Variants in WDR62 observed in about 807,000 individuals in gnomAD.
WDR62 encodes WD repeat-containing protein 62.
In WDR62, 112 loss-of-function variants were observed where a neutral mutation model predicts 160.6. The ratio of observed to expected loss-of-function variants is 0.70; its 90% CI spans 0.60 to 0.82. WDR62 has a LOEUF of 0.82. Ranked by LOEUF, WDR62 falls within the 40% of genes least tolerant of loss-of-function variation. The pLI is 0.00. For missense variants in WDR62, 1,819 were observed against 1,983.8 expected (o/e 0.92, Z 1.58); for synonymous variants, 792 against 815.1 (o/e 0.97, Z 0.48).
At chr19:36,068,418 A>T (rs1447984995) in intron 7 of WDR62, among the ~76,000 whole-genome samples, 1 of 151,932 alleles carries the variant, frequency 6.6e-6, no homozygotes, top group Non-Finnish European at 1.5e-5. Flanking sequence ...GGGGTTTGGC[A>T]GGGTCTTAGG....
chr19:36,095,671 G>C (rs890822980), intron 20 of WDR62, among the ~76,000 whole-genome samples: 1 of 152,250 alleles, frequency 6.6e-6, no homozygotes, highest in African/African-American at 2.4e-5. Context: ...GCGTGCGCCT[G>C]TAATAGCAGC....
chr19:36,101,678 G>A lies in WDR62; in HGVS notation c.2986G>A (p.Glu996Lys). The change falls in exon 25 of 32, where the codon GAG (glutamate) becomes AAG (lysine). Residue 996 changes from glutamate to lysine, a missense_variant. By Grantham distance (56) the Glu-to-Lys change is moderately conservative. This residue lies in a region of WDR62 where 770 missense variants were observed against 734.2 expected (regional missense o/e 1.05). Transcript: ENST00000401500. The part of the protein sequence containing the change: ...QSPPEDSGES[E>K]ADLECSFAAI... ...CTGTCCTTCAGACTCGGGGGAGTCA[G>A]AGGCCGACCTGGAGTGCAGCTTCGC... 1 of 1,551,060 alleles carries A rather than the reference G, an allele frequency of 6.4e-7. No homozygotes were observed. The highest frequency in any genetic ancestry group is 8.7e-7 in the Non-Finnish European group (1 of 1,146,968).
Position 36,097,163 on chromosome 19 carries a change from T to A in WDR62, c.2520+84T>A, listed in dbSNP as rs1224259601. The A allele has an allele frequency of 6.0e-6, 8 of 1,327,800 alleles. No individual in the cohort carries two copies. In the East Asian group the frequency reaches 1.9e-4, roughly 32 times the overall value. The allele number at this position is 1,327,800 out of a possible 1,614,324, so 82.3% of individuals were successfully genotyped here. A position where few individuals can be genotyped will look rare whatever the true frequency, so the allele number is the denominator to read the frequency against. Reference sequence around the variant, plus strand: ...TGCCTTCTGGAAGCCCTTTTTCCTTTCCATGTCCCTCTTTTCCCTGGAGAA... The same window carrying A: ...TGCCTTCTGGAAGCCCTTTTTCCTTACCATGTCCCTCTTTTCCCTGGAGAA... On this transcript the variant is annotated intron_variant, in intron 21 of 31. Coordinates refer to ENST00000401500, the MANE Select transcript of WDR62 (RefSeq NM_001083961.2).
At position 36,081,284 on chromosome 19, in the gene WDR62, CT is replaced by C. The variant is rs542907363; in HGVS notation, c.1234-140del. ...ATGATATATGGTAGCATTTTGTGTC[CT>C]TTTTTTTTCTTGTTTATTTTTAGCA... On this transcript the variant is annotated intron_variant, in intron 9 of 31. Coordinates refer to ENST00000401500, the MANE Select transcript of WDR62 (RefSeq NM_001083961.2). 648 of 955,874 alleles carry C rather than the reference CT, an allele frequency of 6.8e-4. 2 individuals carry two copies. In the African/African-American group the frequency reaches 7.5e-3, roughly 11 times the overall value. The allele number at this position is 955,874 out of a possible 1,614,324, so 59.2% of individuals were successfully genotyped here.
chr19:36,089,447 TG>T, intron 15 of WDR62, 141 bp downstream of exon 15: 1 of 1,403,164 alleles, frequency 7.1e-7, no homozygotes. Context: ...GGTTTTTTTT[TG>T]TTTTTGTTTT....
intron 9 of WDR62, chr19:36,073,732 ACAT>A (rs1203451626): frequency 2.9e-5 from 19 of 664,710 alleles, no homozygotes; most frequent in Middle Eastern, 2.4e-4. Context: ...AAACCTGGAA[ACAT>A]CATCAGTGAA....
intron 3 of WDR62, among the ~76,000 whole-genome samples, chr19:36,063,581 A>G (rs1015951617): frequency 2.6e-5 from 4 of 152,164 alleles, no homozygotes; most frequent in African/African-American, 9.6e-5. Context: ...TAGACGAGGT[A>G]TTTTGTAGAG....
At chr19:36,096,888 G>T in intron 20 of WDR62, 139 bp from the exon 21 acceptor site, 1 of 774,236 alleles carries the variant, frequency 1.3e-6, no homozygotes, top group Non-Finnish European at 2.3e-6. Flanking sequence ...GTTTAAGTTT[G>T]CATTTCCCTA....
At chr19:36,060,051 G>A (rs755655828) in intron 3 of WDR62, 21 bp downstream of exon 3, 50 of 1,613,718 alleles carry the variant, frequency 3.1e-5, no homozygotes, top group Admixed American at 1.5e-4. Flanking sequence ...GCCTGGGCCC[G>A]GGGCAGGGGT....
chr19:36,073,760 G>C, intron 9 of WDR62: 2 of 604,310 alleles, frequency 3.3e-6, no homozygotes, highest in Non-Finnish European at 6.2e-6. Flanking sequence ...ACGCCAAGCA[G>C]CAGTAACCCT....
downstream of WDR62, among the ~76,000 whole-genome samples, chr19:36,109,564 T>C (rs1973769599): frequency 6.6e-6 from 1 of 150,836 alleles, no homozygotes; most frequent in African/African-American, 2.4e-5. Context: ...TGAAACCCTA[T>C]CTCTACTAAA....
intron 10 of WDR62, chr19:36,081,774 C>T: frequency 1.4e-6 from 1 of 717,736 alleles, no homozygotes; most frequent in Non-Finnish European, 2.5e-6. Context: ...CACGCTCTAT[C>T]CTCTCTGATT....
intron 9 of WDR62, among the ~76,000 whole-genome samples, chr19:36,079,498 G>A (rs1971769460): frequency 6.6e-6 from 1 of 152,128 alleles, no homozygotes; most frequent in South Asian, 2.1e-4. Flanking sequence ...GTTGTGATTG[G>A]TCAATTTCAT....
chr19:36,067,807 C>T (rs764676914), intron 6 of WDR62, 21 bp from the exon 7 acceptor site: 7 of 1,613,182 alleles, frequency 4.3e-6, no homozygotes, highest in Non-Finnish European at 5.9e-6. Context: ...AAGTATCTCA[C>T]TACGCCCTCT....
Position 36,094,055 on chromosome 19 carries a change from T to G in WDR62, c.2358T>G (p.Pro786=). The part of the protein sequence containing the change: ...HPRQDTYVST[P]SEIHSLSPGE... ...GGCAGGATACGTATGTGTCCACACCTAGTGAGATTCACTCCCTGAGCCCTG... is the reference window on the plus strand; with the variant it reads ...GGCAGGATACGTATGTGTCCACACCGAGTGAGATTCACTCCCTGAGCCCTG... The change falls in exon 20 of 32, where the codon CCT becomes CCG. Residue 786 remains proline (P), a synonymous_variant. Transcript: ENST00000401500. 1 of 1,614,044 alleles carries G rather than the reference T, an allele frequency of 6.2e-7. No individual in the cohort carries two copies. The highest frequency in any genetic ancestry group is 8.5e-7 in the Non-Finnish European group (1 of 1,179,982).
intron 26 of WDR62, 165 bp from the exon 27 acceptor site, chr19:36,102,572 T>A (rs1005311618): frequency 1.5e-6 from 1 of 658,056 alleles, no homozygotes; most frequent in Non-Finnish European, 2.6e-6. Context: ...ACTGCTTCAC[T>A]CTTGACCTGA....
intron 10 of WDR62, among the ~76,000 whole-genome samples, chr19:36,082,816 A>G (rs530930839): frequency 6.6e-6 from 1 of 152,356 alleles, no homozygotes; most frequent in East Asian, 1.9e-4. Context: ...TCTGAGTTCC[A>G]GGCTGCAGGA....
intron 13 of WDR62, among the ~76,000 whole-genome samples, 164 bp from the exon 14 acceptor site, chr19:36,088,874 A>T (rs548346371): frequency 3.9e-5 from 6 of 152,256 alleles, no homozygotes; most frequent in Admixed American, 3.9e-4. Flanking sequence ...CGTACAGCTC[A>T]TACCTTACAG....
chr19:36,104,648 C>G lies in WDR62; in HGVS notation c.4284C>G (p.Phe1428Leu). 1 of 1,614,124 alleles carries G rather than the reference C, an allele frequency of 6.2e-7. No individual in the cohort carries two copies. Reference sequence around the variant, plus strand: ...TCTTGCACAGGCTGCAGACCACCTTCCAAGAAGCCCTCGACCTTTACCGTG... The same window carrying G: ...TCTTGCACAGGCTGCAGACCACCTTGCAAGAAGCCCTCGACCTTTACCGTG... ...GNILHRLQTT[F>L]QEALDLYRVL... Residue 1428 changes from phenylalanine to leucine, a missense_variant, in exon 31 of 32, where the codon TTC becomes TTG. Phe to Leu is a conservative substitution (Grantham distance 22). This residue lies in a region of WDR62 where 770 missense variants were observed against 734.2 expected (regional missense o/e 1.05). Transcript: ENST00000401500.
Sources: gnomAD v4.1 joint callset for allele counts (sites outside exome capture counted in the v4.1 genomes callset) on GRCh38, gnomAD v4.1.1 for gene constraint, gnomAD v4.1.1 regional missense constraint, MANE v1.5 for transcripts, NCBI Gene and HGNC (gene_info 2026-07-23, HGNC 2026-07-21) for gene names.